Variants in CNTNAP5 observed in about 807,000 individuals in gnomAD.
CNTNAP5 encodes contactin associated protein family member 5.
In CNTNAP5, 72 loss-of-function variants were observed where a neutral mutation model predicts 150.2. That is an observed-to-expected ratio of 0.48 (90% confidence interval 0.40 to 0.58). CNTNAP5 has a LOEUF of 0.58. Ranked by LOEUF, CNTNAP5 falls within the 20% of genes least tolerant of loss-of-function variation. The pLI is 0.00. For missense variants in CNTNAP5, 1,636 were observed against 1,626.2 expected (o/e 1.01, Z -0.10); for synonymous variants, 672 against 619.8 (o/e 1.08, Z -1.25).
At chr2:124,394,371 C>CAAAAA (rs70996062) in intron 3 of CNTNAP5, among the ~76,000 whole-genome samples, 3 of 106,284 alleles carry the variant, frequency 2.8e-5, no homozygotes, top group Non-Finnish European at 5.9e-5. Flanking sequence ...GACTCTGTCT[C>CAAAAA]AAAAAAAAAA....
At chr2:124,681,775 G>A (rs533708924) in intron 13 of CNTNAP5, among the ~76,000 whole-genome samples, 109 of 152,194 alleles carry the variant, frequency 7.2e-4, no homozygotes, top group Non-Finnish European at 1.2e-3. Flanking sequence ...TTTTAGCCAG[G>A]ATGGTCTCGA....
chr2:124,302,777 G>C (rs1688596562), intron 3 of CNTNAP5, among the ~76,000 whole-genome samples: 1 of 152,172 alleles, frequency 6.6e-6, no homozygotes, highest in Admixed American at 6.5e-5. Context: ...TCTTTACCCT[G>C]ACCAAAGACT....
At chr2:124,464,586 C>G (rs1165871780) in intron 6 of CNTNAP5, among the ~76,000 whole-genome samples, 1 of 152,136 alleles carries the variant, frequency 6.6e-6, no homozygotes, top group Non-Finnish European at 1.5e-5. Flanking sequence ...TCCTGTCAAA[C>G]AGTAAAACAT....
At chr2:124,377,537 T>C (rs540690356) in intron 3 of CNTNAP5, among the ~76,000 whole-genome samples, 1 of 152,034 alleles carries the variant, frequency 6.6e-6, no homozygotes, top group East Asian at 1.9e-4. Flanking sequence ...TAGCCAGTCG[T>C]GGTGGCATGC....
intron 19 of CNTNAP5, among the ~76,000 whole-genome samples, chr2:124,835,077 A>C (rs1038727101): frequency 4.6e-5 from 7 of 152,110 alleles, no homozygotes; most frequent in African/African-American, 1.4e-4. Flanking sequence ...CATAATTAAT[A>C]ATGACTTTTA....
intron 3 of CNTNAP5, among the ~76,000 whole-genome samples, chr2:124,363,791 A>T (rs939223263): frequency 1.3e-5 from 2 of 152,240 alleles, no homozygotes; most frequent in Non-Finnish European, 2.9e-5. Flanking sequence ...GATACTTTCT[A>T]GATGTACGCA....
At chr2:124,246,205 A>G (rs1403860997) in intron 3 of CNTNAP5, among the ~76,000 whole-genome samples, 2 of 152,152 alleles carry the variant, frequency 1.3e-5, no homozygotes, top group African/African-American at 2.4e-5. Flanking sequence ...GATTTATTAC[A>G]TTTCACAAGG....
chr2:124,779,301 C>A (rs1233221865), intron 17 of CNTNAP5, among the ~76,000 whole-genome samples: 1 of 152,210 alleles, frequency 6.6e-6, no homozygotes. Context: ...CTTCAGCACT[C>A]CCGGTGGGAC....
intron 13 of CNTNAP5, among the ~76,000 whole-genome samples, chr2:124,703,510 G>A (rs1679569787): frequency 6.6e-6 from 1 of 152,042 alleles, no homozygotes; most frequent in Non-Finnish European, 1.5e-5. Context: ...AAAAATCTAG[G>A]CAAAGTTTTT....
chr2:124,414,393 A>C (rs987066005), intron 3 of CNTNAP5, among the ~76,000 whole-genome samples: 11 of 152,272 alleles, frequency 7.2e-5, no homozygotes, highest in Admixed American at 5.9e-4. Context: ...TTAAGCTGCT[A>C]GCACCAGGAA....
intron 19 of CNTNAP5, among the ~76,000 whole-genome samples, chr2:124,825,125 A>G (rs1390843186): frequency 6.6e-6 from 1 of 152,178 alleles, no homozygotes; most frequent in African/African-American, 2.4e-5. Context: ...TATTTTAACT[A>G]TATATACTGA....
At chr2:124,582,189 G>A (rs1451989295) in intron 11 of CNTNAP5, among the ~76,000 whole-genome samples, 1 of 152,082 alleles carries the variant, frequency 6.6e-6, no homozygotes, top group East Asian at 1.9e-4. Flanking sequence ...GGAAGGCCTC[G>A]GTGGCTGTGT....
intron 21 of CNTNAP5, among the ~76,000 whole-genome samples, chr2:124,891,136 A>G (rs1161046617): frequency 6.6e-6 from 1 of 152,114 alleles, no homozygotes; most frequent in African/African-American, 2.4e-5. Context: ...TTCTTCAGCT[A>G]CTTGTGACAT....
intron 7 of CNTNAP5, among the ~76,000 whole-genome samples, chr2:124,485,304 C>G (rs539795548): frequency 6.6e-6 from 1 of 152,106 alleles, no homozygotes; most frequent in South Asian, 2.1e-4. Context: ...GGCTGAGATT[C>G]AGACCTCTTC....
chr2:124,514,178 G>A (rs778682553), intron 8 of CNTNAP5, among the ~76,000 whole-genome samples: 3 of 152,200 alleles, frequency 2.0e-5, no homozygotes, highest in Non-Finnish European at 4.4e-5. Flanking sequence ...GTAACATGAT[G>A]AAGCATTTCG....
At chr2:124,550,747 A>G (rs1695610467) in intron 10 of CNTNAP5, among the ~76,000 whole-genome samples, 1 of 152,144 alleles carries the variant, frequency 6.6e-6, no homozygotes, top group South Asian at 2.1e-4. Context: ...TTGATTAAAG[A>G]AATTTAATTA....
intron 19 of CNTNAP5, among the ~76,000 whole-genome samples, chr2:124,820,039 T>C (rs1337565121): frequency 1.3e-5 from 2 of 152,128 alleles, no homozygotes; most frequent in African/African-American, 2.4e-5. Context: ...GAGAAGATTC[T>C]CTCCCTTGCA....
intron 3 of CNTNAP5, among the ~76,000 whole-genome samples, chr2:124,324,416 A>G (rs995431145): frequency 2.0e-5 from 3 of 152,224 alleles, no homozygotes; most frequent in Non-Finnish European, 4.4e-5. Context: ...AATAGGTCTG[A>G]GAGACATCAA....
chr2:124,172,874 T>C (rs887845818), intron 1 of CNTNAP5, among the ~76,000 whole-genome samples: 1 of 152,194 alleles, frequency 6.6e-6, no homozygotes, highest in Non-Finnish European at 1.5e-5. Context: ...TTTTGCACTC[T>C]GCTTTATTTC....
Sources: allele counts gnomAD v4.1 joint callset (sites outside exome capture counted in the v4.1 genomes callset), GRCh38; gene constraint gnomAD v4.1.1; transcripts MANE v1.5; gene names NCBI Gene and HGNC (gene_info 2026-07-23, HGNC 2026-07-21).